TSPAN3: variants seen among roughly 807,000 people sequenced by gnomAD.
The protein encoded by TSPAN3 is tetraspanin-3.
Under a neutral mutation model 31.1 loss-of-function variants are expected in TSPAN3, and 9 were observed. That is an observed-to-expected ratio of 0.29 (90% CI 0.17 to 0.50). The LOEUF is 0.50. Among genes scored for constraint, TSPAN3 ranks in the 20% least tolerant of loss-of-function variants. TSPAN3 has a pLI of 0.98. For missense variants in TSPAN3, 252 were observed against 313.5 expected, an observed-to-expected ratio of 0.80 and a Z score of 1.48; for synonymous variants, 129 against 114.3, an observed-to-expected ratio of 1.13 and a Z score of -0.82.
chr15:77,053,585 T>C (rs2076747551), intron 4 of TSPAN3, among the ~76,000 whole-genome samples: 1 of 149,822 alleles, frequency 6.7e-6, no homozygotes, highest in Non-Finnish European at 1.5e-5. Flanking sequence ...CCATGTTAAA[T>C]ATTATTTCCA....
chr15:77,061,319 TGAATTC>T (rs1448507958), intron 1 of TSPAN3, among the ~76,000 whole-genome samples: 2 of 152,130 alleles, frequency 1.3e-5, no homozygotes, highest in South Asian at 2.1e-4. Context: ...TCTGAGGTCA[TGAATTC>T]GAGACCGGCC....
chr15:77,047,140 G>A (rs139681135), intron 6 of TSPAN3, among the ~76,000 whole-genome samples: 45 of 152,244 alleles, frequency 3.0e-4, no homozygotes, highest in African/African-American at 1.1e-3. Flanking sequence ...GGAACTCTTC[G>A]TAAAGCCAGC....
chr15:77,060,584 T>C (rs1051372084), intron 1 of TSPAN3, among the ~76,000 whole-genome samples: 5 of 152,242 alleles, frequency 3.3e-5, no homozygotes, highest in African/African-American at 9.6e-5. Flanking sequence ...ATGCAGAAAT[T>C]GTGGCTATCA....
chr15:77,058,768 G>C (rs958256764), intron 1 of TSPAN3, among the ~76,000 whole-genome samples: 3 of 152,114 alleles, frequency 2.0e-5, no homozygotes, highest in Admixed American at 1.3e-4. Flanking sequence ...TTGTATTTGC[G>C]TTGGTTTGTA....
At chr15:77,061,679 T>C (rs1273496778) in intron 1 of TSPAN3, among the ~76,000 whole-genome samples, 3 of 152,316 alleles carry the variant, frequency 2.0e-5, no homozygotes, top group African/African-American at 4.8e-5. Context: ...TTGCCAAAAG[T>C]ATACCTACAT....
intron 1 of TSPAN3, among the ~76,000 whole-genome samples, chr15:77,065,276 G>C (rs941770447): frequency 3.3e-5 from 5 of 152,132 alleles, no homozygotes; most frequent in African/African-American, 1.2e-4. Context: ...TCACCGGAAA[G>C]TAAGTTCTGT....
chr15:77,058,444 G>C (rs147416125), intron 1 of TSPAN3, among the ~76,000 whole-genome samples: 9 of 152,340 alleles, frequency 5.9e-5, no homozygotes, highest in Non-Finnish European at 1.2e-4. Flanking sequence ...CGCTCATTAA[G>C]ATGAAGCTTA....
At chr15:77,047,768 A>T (rs915949830) in intron 6 of TSPAN3, among the ~76,000 whole-genome samples, 2 of 151,526 alleles carry the variant, frequency 1.3e-5, no homozygotes, top group African/African-American at 4.9e-5. Context: ...CCAAAATATA[A>T]TTTTTTTGTG....
In TSPAN3 at chr15:77,054,037, G is replaced by A. The variant is rs140167323; in HGVS notation, c.432+141C>T. 2,388 of 583,364 alleles carry A rather than the reference G, an allele frequency of 4.1e-3. 87 individuals are homozygous for A. In the Admixed American group the frequency reaches 0.061, roughly 15 times the overall value. The allele number at this position is 583,364 out of a possible 1,614,324, so 36.1% of individuals were successfully genotyped here. A position where few individuals can be genotyped will look rare whatever the true frequency, so the allele number is the denominator to read the frequency against. On this transcript the variant is annotated intron_variant, in intron 4 of 6. Coordinates refer to ENST00000267970, the MANE Select transcript of TSPAN3 (RefSeq NM_005724.6). ...ATGAAATAAACTTTTCAAGGGTGAA[G>A]GTTGGGGAAAAATATTGGTCACATC...
chr15:77,070,867 C>A (rs773378824), intron 1 of TSPAN3, 25 bp downstream of exon 1: 2 of 1,313,740 alleles, frequency 1.5e-6, no homozygotes, highest in South Asian at 2.0e-5. Context: ...GCCGCCGGCC[C>A]CTCGCTCTGC....
intron 1 of TSPAN3, among the ~76,000 whole-genome samples, chr15:77,065,269 C>T (rs1189247529): frequency 6.6e-6 from 1 of 152,092 alleles, no homozygotes; most frequent in Non-Finnish European, 1.5e-5. Context: ...TCTTGCTTCA[C>T]CGGAAAGTAA....
intron 6 of TSPAN3, among the ~76,000 whole-genome samples, chr15:77,050,561 G>C (rs2076723840): frequency 6.6e-6 from 1 of 152,138 alleles, no homozygotes; most frequent in Non-Finnish European, 1.5e-5. Flanking sequence ...ATTTTTATCA[G>C]TCTTCTATAT....
At chr15:77,051,538 AAAAAGAAAAG>A (rs1179391527) in intron 6 of TSPAN3, among the ~76,000 whole-genome samples, 1 of 151,492 alleles carries the variant, frequency 6.6e-6, no homozygotes, top group East Asian at 1.9e-4. Context: ...TAAAAAAAAA[AAAAAGAAAAG>A]AAAAGAAAAG....
chr15:77,070,868 C>G lies in TSPAN3; in HGVS notation c.63+24G>C. On this transcript the variant is annotated intron_variant, in intron 1 of 6. Transcript: ENST00000267970. Reference sequence around the variant, plus strand: ...CCTCGCCCGGCCCCGCCGCCGGCCCCTCGCTCTGCCCGGCCCCGCTCACCC... The same window carrying G: ...CCTCGCCCGGCCCCGCCGCCGGCCCGTCGCTCTGCCCGGCCCCGCTCACCC... 3.0e-6 allele frequency: 4 copies of G among 1,315,250 alleles called. No individual in the cohort carries two copies. The South Asian group carries it at 6.0e-5, about 20-fold the overall frequency. The allele number at this position is 1,315,250 out of a possible 1,614,324, so 81.5% of individuals were successfully genotyped here. A position where few individuals can be genotyped will look rare whatever the true frequency, so the allele number is the denominator to read the frequency against.
intron 1 of TSPAN3, among the ~76,000 whole-genome samples, chr15:77,061,644 C>T (rs1421539095): frequency 6.6e-6 from 1 of 152,108 alleles, no homozygotes; most frequent in Non-Finnish European, 1.5e-5. Flanking sequence ...AGATTTGCTA[C>T]AAGTGGGGAG....
rs1264636281 is a variant in TSPAN3 at position 77,046,850 on chromosome 15, G to A, written c.747C>T (p.Gly249=). Residue 249 remains glycine (G), a synonymous_variant, in exon 7 of 7, where the codon GGC becomes GGT. Coordinates refer to ENST00000267970, the MANE Select transcript of TSPAN3 (RefSeq NM_005724.6). The part of the protein sequence containing the change: ...RDPAYELLIT[G]GTYA Reference sequence around the variant, plus strand: ...GAGTTGTCAACTATGCATAGGTTCCGCCAGTGATGAGGAGCTCGTAAGCAG... The same window carrying A: ...GAGTTGTCAACTATGCATAGGTTCCACCAGTGATGAGGAGCTCGTAAGCAG... 1.8e-5 allele frequency: 29 copies of A among 1,591,118 alleles called. No individual in the cohort carries two copies. Among genetic ancestry groups the A allele is most frequent in the East Asian group, 1.4e-4 (6 of 44,154 alleles).
At chr15:77,057,006 G>A (rs942698215) in intron 1 of TSPAN3, among the ~76,000 whole-genome samples, 2 of 152,146 alleles carry the variant, frequency 1.3e-5, no homozygotes, top group African/African-American at 2.4e-5. Flanking sequence ...TTCTTGGAGC[G>A]CACTCTGAGT....
At position 77,071,045 on chromosome 15, in the gene TSPAN3, C is replaced by T; in HGVS notation, c.-91G>A. 1 of 898,474 alleles carries T rather than the reference C, an allele frequency of 1.1e-6. No individual in the cohort carries two copies. The highest frequency in any genetic ancestry group is 1.5e-6 in the Non-Finnish European group (1 of 673,664). 55.7% of individuals were successfully genotyped at this position (898,474 alleles called of 1,614,324 possible). A position where few individuals can be genotyped will look rare whatever the true frequency, so the allele number is the denominator to read the frequency against. ...GGCGGCGGCGCCTCCTCGCTAGGAACTGCACGGCCTGCGCGGCGCTCCCCG... is the reference window on the plus strand; with the variant it reads ...GGCGGCGGCGCCTCCTCGCTAGGAATTGCACGGCCTGCGCGGCGCTCCCCG... On this transcript the variant is annotated 5_prime_UTR_variant, in exon 1 of 7. Transcript: ENST00000267970.
chr15:77,069,009 G>T (rs1447870178), intron 1 of TSPAN3, among the ~76,000 whole-genome samples: 2 of 152,142 alleles, frequency 1.3e-5, no homozygotes, highest in Non-Finnish European at 2.9e-5. Flanking sequence ...CCCAGTAGTG[G>T]GATTGCTGGG....
Sources: gnomAD v4.1 joint callset for allele counts (sites outside exome capture counted in the v4.1 genomes callset) on GRCh38, gnomAD v4.1.1 for gene constraint, MANE v1.5 for transcripts, NCBI Gene and HGNC (gene_info 2026-07-23, HGNC 2026-07-21) for gene names.